IMP4: variants seen among roughly 807,000 people sequenced by gnomAD.
IMP4 encodes U3 small nucleolar ribonucleoprotein IMP4.
In IMP4, 30 loss-of-function variants were observed where a neutral mutation model predicts 42.7. The observed-to-expected ratio is 0.70, with a 90% CI of 0.53 to 0.95. The LOEUF is 0.95. Ranked by LOEUF, IMP4 falls within the 40% of genes least tolerant of loss-of-function variation. The probability of loss-of-function intolerance (pLI) is 0.00; values close to 1 mark genes in which losing one functional copy is unlikely to be tolerated. For missense variants in IMP4, 382 were observed against 411.4 expected (o/e 0.93, Z 0.62); for synonymous variants, 165 against 165.2 (o/e 1.00, Z 0.01).
intron 2 of IMP4, among the ~76,000 whole-genome samples, chr2:130,343,817 C>G (rs1322973844): frequency 6.6e-6 from 1 of 152,138 alleles, no homozygotes. Flanking sequence ...GCCCATCCTC[C>G]CTGCAGGAGT....
chr2:130,343,097 G>A lies in IMP4; in HGVS notation c.15G>A (p.Glu5=). The A allele has an allele frequency of 6.4e-7, 1 of 1,555,400 alleles. No homozygotes were observed. Among genetic ancestry groups the A allele is most frequent in the Non-Finnish European group, 8.7e-7 (1 of 1,148,286 alleles). Residue 5 remains glutamate (E), a synonymous_variant, in exon 2 of 9, where the codon GAG becomes GAA. Transcript: ENST00000259239. MLRR[E]ARLRREYLYR... is the part of the protein sequence containing the mutation. ...TGCTGTTCCCACAGCTGCGCCGCGA[G>A]GCCCGCCTGCGCCGCGAGTACCTGT...
chr2:130,344,696 T>A lies in IMP4; in HGVS notation c.180T>A (p.Asp60Glu). ...CCTTACAGGGGTCCCTGGAGTTTGA[T>A]GATGCTGGAGGTGAAGGTAACTATA... ...ALALQGSLEF[D>E]DAGGEGVTSH... The change falls in exon 3 of 9, where the codon GAT becomes GAA. Residue 60 changes from aspartate (D) to glutamate (E), a missense_variant. Coordinates refer to ENST00000259239, the MANE Select transcript of IMP4 (RefSeq NM_033416.3). 1 of 1,613,256 alleles carries A rather than the reference T, an allele frequency of 6.2e-7. No individual in the cohort carries two copies. Among genetic ancestry groups the A allele is most frequent in the South Asian group, 1.1e-5 (1 of 91,060 alleles).
At position 130,345,930 on chromosome 2, in the gene IMP4, G is replaced by A; in HGVS notation, c.591G>A (p.Lys197=). The A allele has an allele frequency of 6.2e-7, 1 of 1,614,242 alleles. No individual in the cohort carries two copies. Among genetic ancestry groups the A allele is most frequent in the Non-Finnish European group, 8.5e-7 (1 of 1,180,046 alleles). ...ITHGFSSRLG[K]RVSDILRYLF... ...ACGGCTTCTCCTCCCGCCTGGGCAA[G>A]CGGGTGAGTCTGGGGGCCTTCAGGC... Residue 197 remains lysine, a synonymous_variant, in exon 6 of 9, where the codon AAG becomes AAA. Coordinates refer to ENST00000259239, the MANE Select transcript of IMP4 (RefSeq NM_033416.3). This position sits in a 1 kb window ranked among gnomAD's most constrained non-coding sequence, Gnocchi z 4.9.
At position 130,345,451 on chromosome 2, in the gene IMP4, G is replaced by A. The variant is rs1285780610; in HGVS notation, c.272G>A (p.Arg91Gln). 6.2e-7 allele frequency: 1 copy of A among 1,613,892 alleles called. No homozygotes were observed. Among genetic ancestry groups the A allele is most frequent in the African/African-American group, 1.3e-5 (1 of 74,868 alleles). ...CCCAAGGTTATGATCACTACCTCCC[G>A]AGACCCCAGTTCCCGCCTCAAGATG... Reference protein sequence around the residue: ...EDPKVMITTSRDPSSRLKMFA... With the variant: ...EDPKVMITTSQDPSSRLKMFA... Residue 91 changes from arginine (R) to glutamine (Q), a missense_variant, in exon 4 of 9, where the codon CGA (arginine) becomes CAA (glutamine). Arg to Gln is a conservative substitution (Grantham distance 43, BLOSUM62 1). Transcript: ENST00000259239. This position sits in a 1 kb window ranked among gnomAD's most constrained non-coding sequence, Gnocchi z 4.9.
At chr2:130,343,473 C>T in intron 2 of IMP4, 1 of 584,368 alleles carries the variant, frequency 1.7e-6, no homozygotes, top group Non-Finnish European at 3.3e-6. Flanking sequence ...CTCTTTAGAG[C>T]GGTGGCTCAC....
chr2:130,343,094 C>G lies in IMP4; in HGVS notation c.12C>G (p.Arg4=). The change falls in exon 2 of 9, where the codon CGC becomes CGG. Residue 4 remains arginine, a synonymous_variant. Coordinates refer to ENST00000259239, the MANE Select transcript of IMP4 (RefSeq NM_033416.3). The part of the protein sequence containing the change: MLR[R]EARLRREYLY... ...GCCTGCTGTTCCCACAGCTGCGCCG[C>G]GAGGCCCGCCTGCGCCGCGAGTACC... is the stretch of plus-strand genomic sequence containing the variant. The G allele has an allele frequency of 6.4e-7, 1 of 1,553,812 alleles. No homozygotes were observed.
rs1477075567 is a variant in IMP4 at position 130,346,846 on chromosome 2, C to A, written c.*378C>A. The A allele has an allele frequency of 7.0e-6, 2 of 286,626 alleles. No homozygotes were observed. The allele number at this position is 286,626 out of a possible 1,614,324, so 17.8% of individuals were successfully genotyped here. ...GGGCCAGCCTGTGTCAGGGGCAGCC[C>A]ACCAAGTTAACTCACTGAGTGGAAG... On this transcript the variant is annotated 3_prime_UTR_variant, in exon 9 of 9. Coordinates refer to ENST00000259239, the MANE Select transcript of IMP4 (RefSeq NM_033416.3).
In IMP4 at chr2:130,347,126, C is replaced by G. The variant is rs1679638336; in HGVS notation, c.*658C>G. On this transcript the variant is annotated 3_prime_UTR_variant, in exon 9 of 9. Transcript: ENST00000259239. ...TCATAGTTTGGCAGTTGTGGAAATGCTGCAGTAAACATGGGAGTATAGCTA... is the reference window on the plus strand; with the variant it reads ...TCATAGTTTGGCAGTTGTGGAAATGGTGCAGTAAACATGGGAGTATAGCTA... 6.5e-6 allele frequency: 1 copy of G among 153,562 alleles called. No individual in the cohort carries two copies. The highest frequency in any genetic ancestry group is 6.4e-5 in the Admixed American group (1 of 15,540). The allele number at this position is 153,562 out of a possible 1,614,324, so 9.5% of individuals were successfully genotyped here.
rs1450604040 is a variant in IMP4 at position 130,346,217 on chromosome 2, AAGAC to A, written c.711_714del (p.Asp238ThrfsTer15). 1 of 1,613,994 alleles carries A rather than the reference AAGAC, an allele frequency of 6.2e-7. No individual in the cohort carries two copies. On this transcript the variant is annotated frameshift_variant, in exon 8 of 9. Coordinates refer to ENST00000259239, the MANE Select transcript of IMP4 (RefSeq NM_033416.3). LOFTEE classifies it high-confidence loss of function. ...CCCTCCCAGGCACCATGTGTATAAGAAGACAGACCACCGCAACGTGGAGCTCACT... is the reference window on the plus strand; with the variant it reads ...CCCTCCCAGGCACCATGTGTATAAGAAGACCACCGCAACGTGGAGCTCACT...
Position 130,345,941 on chromosome 2 carries a change from T to TG in IMP4, c.594+13dup. 6.2e-7 allele frequency: 1 copy of TG among 1,614,188 alleles called. No homozygotes were observed. On this transcript the variant is annotated intron_variant, in intron 6 of 8. Transcript: ENST00000259239. The surrounding 1 kb of genome is among the most constrained non-coding windows in gnomAD (Gnocchi z 4.9). ...TCCCGCCTGGGCAAGCGGGTGAGTC[T>TG]GGGGGCCTTCAGGCTGGGGCTGCGG...
At position 130,343,112 on chromosome 2, in the gene IMP4, C is replaced by T; in HGVS notation, c.30C>T (p.Arg10=). Residue 10 remains arginine, a synonymous_variant, in exon 2 of 9, where the codon CGC becomes CGT. Transcript: ENST00000259239. MLRREARLR[R]EYLYRKAREE... is the part of the protein sequence containing the mutation. Reference sequence around the variant, plus strand: ...TGCGCCGCGAGGCCCGCCTGCGCCGCGAGTACCTGTACCGCAAGGCCCGGG... The same window carrying T: ...TGCGCCGCGAGGCCCGCCTGCGCCGTGAGTACCTGTACCGCAAGGCCCGGG... 1 of 1,556,826 alleles carries T rather than the reference C, an allele frequency of 6.4e-7. No individual in the cohort carries two copies.
Position 130,345,278 on chromosome 2 carries a change from G to T in IMP4, c.197-98G>T, listed in dbSNP as rs1393485846. The T allele has an allele frequency of 6.8e-6, 6 of 878,222 alleles. No individual in the cohort carries two copies. Among genetic ancestry groups the T allele is most frequent in the Middle Eastern group, 2.1e-4 (1 of 4,654 alleles). The allele number at this position is 878,222 out of a possible 1,614,324, so 54.4% of individuals were successfully genotyped here. A position where few individuals can be genotyped will look rare whatever the true frequency, so the allele number is the denominator to read the frequency against. ...ATGTGGAGCATTCCTATTGTTGAAG[G>T]CTTCGGCAGACAGCGACATCCAGGC... On this transcript the variant is annotated intron_variant, in intron 3 of 8. Coordinates refer to ENST00000259239, the MANE Select transcript of IMP4 (RefSeq NM_033416.3). The surrounding 1 kb of genome is among the most constrained non-coding windows in gnomAD (Gnocchi z 4.9).
In IMP4 at chr2:130,345,932, G is replaced by A. The variant is rs754716302; in HGVS notation, c.593G>A (p.Arg198Gln). ...THGFSSRLGK[R>Q]VSDILRYLFP... ...GGCTTCTCCTCCCGCCTGGGCAAGC[G>A]GGTGAGTCTGGGGGCCTTCAGGCTG... is the stretch of plus-strand genomic sequence containing the variant. The change falls in exon 6 of 9, where the codon CGG becomes CAG. Residue 198 changes from arginine (R) to glutamine (Q), a missense_variant and splice_region_variant. Physicochemically the swap from Arg to Gln is conservative, Grantham distance 43. Transcript: ENST00000259239. The surrounding 1 kb of genome is among the most constrained non-coding windows in gnomAD (Gnocchi z 4.9). 15 of 1,614,080 alleles carry A rather than the reference G, an allele frequency of 9.3e-6. No homozygotes were observed. The highest frequency in any genetic ancestry group is 1.6e-4 in the Middle Eastern group (1 of 6,084).
In IMP4 at chr2:130,347,038, T is replaced by C. The variant is rs1378701940; in HGVS notation, c.*570T>C. ...TTGCAAATGATAGGATTTCTTTCCTTGTAAAAAATAACATGCCACATTTTC... is the reference window on the plus strand; with the variant it reads ...TTGCAAATGATAGGATTTCTTTCCTCGTAAAAAATAACATGCCACATTTTC... On this transcript the variant is annotated 3_prime_UTR_variant, in exon 9 of 9. Coordinates refer to ENST00000259239, the MANE Select transcript of IMP4 (RefSeq NM_033416.3). The C allele has an allele frequency of 6.4e-6, 1 of 156,374 alleles. No homozygotes were observed. The highest frequency in any genetic ancestry group is 1.4e-5 in the Non-Finnish European group (1 of 70,516). 9.7% of individuals were successfully genotyped at this position (156,374 alleles called of 1,614,324 possible).
At position 130,346,265 on chromosome 2, in the gene IMP4, G is replaced by A; in HGVS notation, c.754G>A (p.Glu252Lys). ...GCTCACTGAGGTCGGGCCCCGCTTT[G>A]AGCTGAAGCGTGAGTTTGAGGCTGA... ...VELTEVGPRF[E>K]LKLYMIRLGT... The change falls in exon 8 of 9, where the codon GAG becomes AAG. Residue 252 changes from glutamate to lysine, a missense_variant. Coordinates refer to ENST00000259239, the MANE Select transcript of IMP4 (RefSeq NM_033416.3). 1 of 1,614,118 alleles carries A rather than the reference G, an allele frequency of 6.2e-7. No homozygotes were observed. The highest frequency in any genetic ancestry group is 8.5e-7 in the Non-Finnish European group (1 of 1,180,000).
chr2:130,344,050 C>T (rs1477363373), intron 2 of IMP4, among the ~76,000 whole-genome samples: 1 of 152,100 alleles, frequency 6.6e-6, no homozygotes, highest in Non-Finnish European at 1.5e-5. Context: ...TTTTTAAGGC[C>T]GAGCGCTGTG....
chr2:130,346,316 A>C, intron 8 of IMP4, 40 bp from the exon 9 acceptor site: 3 of 1,609,986 alleles, frequency 1.9e-6, no homozygotes, highest in Non-Finnish European at 2.5e-6. Flanking sequence ...TGGGGAGGGG[A>C]GGCTGGCTGT....
rs1341386002 is a variant in IMP4 at position 130,345,635 on chromosome 2, G to A, written c.375G>A (p.Val125=). The A allele has an allele frequency of 1.2e-6, 2 of 1,614,064 alleles. No homozygotes were observed. Among genetic ancestry groups the A allele is most frequent in the Non-Finnish European group, 1.7e-6 (2 of 1,180,058 alleles). The change falls in exon 5 of 9, where the codon GTG becomes GTA. Residue 125 remains valine, a synonymous_variant. Transcript: ENST00000259239. The surrounding 1 kb of genome is among the most constrained non-coding windows in gnomAD (Gnocchi z 4.9). ...NRGRHEVGAL[V]RACKANGVTD... is the part of the protein sequence containing the mutation. The stretch of plus-strand genomic sequence containing the variant: ...GTCGACATGAAGTGGGGGCACTGGT[G>A]CGAGCCTGCAAAGCCAACGGCGTCA...
Position 130,345,254 on chromosome 2 carries a change from T to A in IMP4, c.197-122T>A. On this transcript the variant is annotated intron_variant, in intron 3 of 8. Transcript: ENST00000259239. This position sits in a 1 kb window ranked among gnomAD's most constrained non-coding sequence, Gnocchi z 4.9. ...AGGCTGCCCTCTTGCCCGGTGTGCA[T>A]GTGGAGCATTCCTATTGTTGAAGGC... 2 of 723,092 alleles carry A rather than the reference T, an allele frequency of 2.8e-6. No individual in the cohort carries two copies. The highest frequency in any genetic ancestry group is 4.9e-6 in the Non-Finnish European group (2 of 406,428). 44.8% of individuals were successfully genotyped at this position (723,092 alleles called of 1,614,324 possible).
Sources: gnomAD v4.1 joint callset for allele counts (sites outside exome capture counted in the v4.1 genomes callset) on GRCh38, gnomAD v4.1.1 for gene constraint, Gnocchi (gnomAD v3.1) non-coding constraint, MANE v1.5 for transcripts, NCBI Gene and HGNC (gene_info 2026-07-23, HGNC 2026-07-21) for gene names.